Variants in RIF1 observed in about 807,000 individuals in gnomAD.
The protein encoded by RIF1 is replication timing regulatory factor 1.
Under a neutral mutation model 247.1 loss-of-function variants are expected in RIF1, and 45 were observed. The ratio of observed to expected loss-of-function variants is 0.18; its 90% confidence interval spans 0.14 to 0.23. The LOEUF (loss-of-function observed/expected upper bound fraction) is 0.23. Ranked by LOEUF, RIF1 falls within the 10% of genes least tolerant of loss-of-function variation. The pLI, the probability that RIF1 is intolerant of heterozygous loss-of-function variation, is 1.00. For missense variants in RIF1, 2,967 were observed against 2,862.5 expected, an observed-to-expected ratio of 1.04 and a Z score of -0.83; for synonymous variants, 1,087 against 978.8, an observed-to-expected ratio of 1.11 and a Z score of -2.06.
chr2:151,439,972 C>CAAAAAAAAAAAAAAAAAAAA, intron 14 of RIF1, 55 bp from the exon 15 acceptor site: 1 of 274,380 alleles, frequency 3.6e-6, no homozygotes, highest in South Asian at 2.6e-5. Flanking sequence ...GACCCTGTCT[C>CAAAAAAAAAAAAAAAAAAAA]AAAAAAAAAA....
chr2:151,484,850 T>A (rs1261262311), downstream of RIF1, among the ~76,000 whole-genome samples: 2 of 152,220 alleles, frequency 1.3e-5, no homozygotes, highest in East Asian at 3.8e-4. Flanking sequence ...AGCTTCAGCC[T>A]CTAACCCAGT....
intron 19 of RIF1, 106 bp downstream of exon 19, chr2:151,445,551 T>C (rs1369545878): frequency 1.4e-6 from 1 of 712,666 alleles, no homozygotes; most frequent in Non-Finnish European, 2.4e-6. Flanking sequence ...TCTTTTTCTT[T>C]TTCTCTTTTT....
At chr2:151,531,793 T>C in the RIF1 span, 1 of 1,606,208 alleles carries the variant, frequency 6.2e-7, no homozygotes, top group Non-Finnish European at 8.5e-7. Context: ...TGCACTTACA[T>C]CGCTGATTTG....
the RIF1 span, chr2:151,518,490 T>C: frequency 1.0e-6 from 1 of 973,296 alleles, no homozygotes; most frequent in South Asian, 1.4e-5. Context: ...TTTTCCTCTT[T>C]AGATTAGACG....
chr2:151,427,914 A>G (rs1054070825), intron 8 of RIF1, among the ~76,000 whole-genome samples: 1 of 152,144 alleles, frequency 6.6e-6, no homozygotes, highest in African/African-American at 2.4e-5. Context: ...ATAAGTAGCC[A>G]GGCATGGTGG....
At chr2:151,450,593 T>C (rs936692460) in intron 20 of RIF1, among the ~76,000 whole-genome samples, 1 of 151,946 alleles carries the variant, frequency 6.6e-6, no homozygotes, top group African/African-American at 2.4e-5. Context: ...AATAATTCTT[T>C]CTTTTTTTTT....
chr2:151,453,382 G>A (rs1694652110), intron 21 of RIF1, among the ~76,000 whole-genome samples: 1 of 152,014 alleles, frequency 6.6e-6, no homozygotes, highest in African/African-American at 2.4e-5. Context: ...TGCTAGACCA[G>A]CCTGGCCAAC....
In RIF1 at chr2:151,450,872, C is replaced by T. The variant is rs1694195696; in HGVS notation, c.2245-734C>T. Among the ~76,000 whole-genome samples the T allele has an allele frequency of 3.3e-5, 5 of 152,210 alleles. No homozygotes were observed. The South Asian group carries it at 1.0e-3, about 32-fold the overall frequency. On this transcript the variant is annotated intron_variant, in intron 20 of 35. Transcript: ENST00000444746. ...GTGCTGGGATTGCAGGCGTGAGCCA[C>T]CAGTCCTGGCCAGCAACTTCTTTTT...
downstream of RIF1, among the ~76,000 whole-genome samples, chr2:151,511,452 G>A (rs903294550): frequency 2.6e-5 from 4 of 152,152 alleles, no homozygotes; most frequent in East Asian, 5.8e-4. Flanking sequence ...GTCATTAAGA[G>A]ATCATCTGTG....
intron 9 of RIF1, chr2:151,491,995 G>A (rs2056989112): frequency 5.5e-6 from 7 of 1,264,036 alleles, no homozygotes; most frequent in Non-Finnish European, 7.8e-6. Context: ...TAGAAAAACA[G>A]ATTGAAGTCC....
At position 151,477,998 on chromosome 2, in the gene RIF1, C is replaced by CGTG. The variant is rs1315938719; in HGVS notation, c.*2928_*2929insTGG. ...TGGTGGCATTACAGGCGTGAGCCAC[C>CGTG]GCTCCTGGCCCATCATTTCCATATC... On this transcript the variant is annotated 3_prime_UTR_variant, in exon 36 of 36. Coordinates refer to ENST00000444746, the MANE Select transcript of RIF1 (RefSeq NM_018151.5). 1 of 152,198 alleles carries CGTG rather than the reference C, an allele frequency of 6.6e-6. No homozygotes were observed. Among genetic ancestry groups the CGTG allele is most frequent in the Non-Finnish European group, 1.5e-5 (1 of 68,036 alleles). 9.4% of individuals were successfully genotyped at this position (152,198 alleles called of 1,614,324 possible).
intron 10 of RIF1, among the ~76,000 whole-genome samples, chr2:151,496,723 A>AATG (rs373115276): frequency 6.6e-6 from 1 of 152,176 alleles, no homozygotes; most frequent in South Asian, 2.1e-4. Flanking sequence ...ATTTTTAAAA[A>AATG]ATGATTGAAA....
intron 25 of RIF1, 99 bp from the exon 26 acceptor site, chr2:151,459,900 AT>A (rs1348401342): frequency 1.0e-6 from 1 of 966,118 alleles, no homozygotes; most frequent in Non-Finnish European, 1.5e-6. Flanking sequence ...TTTTGACAAT[AT>A]TTGCAATTAC....
Position 151,498,930 on chromosome 2 carries a change from T to TAGAG in RIF1, c.*514-413_*514-410dup, listed in dbSNP as rs1171923744. On this transcript the variant is annotated intron_variant and NMD_transcript_variant, in intron 10 of 13. Transcript: ENST00000454583. ...TTCAAAATATCTGTACAAATAACAGTAGAGATAGAAAAGGTTAGAATAAGA... is the reference window on the plus strand; with the variant it reads ...TTCAAAATATCTGTACAAATAACAGTAGAGAGAGATAGAAAAGGTTAGAATAAGA... Among the ~76,000 whole-genome samples, 3 of 150,974 alleles carry TAGAG rather than the reference T, an allele frequency of 2.0e-5. No individual in the cohort carries two copies. In the East Asian group the frequency reaches 5.9e-4, roughly 29 times the overall value.
At chr2:151,469,150 CTGTTT>C (rs1180544028) in intron 33 of RIF1, among the ~76,000 whole-genome samples, 4 of 152,128 alleles carry the variant, frequency 2.6e-5, no homozygotes, top group Admixed American at 1.3e-4. Flanking sequence ...TGTTCATCAG[CTGTTT>C]TGTTTTGTTT....
chr2:151,444,010 A>G (rs1309754321), intron 18 of RIF1, among the ~76,000 whole-genome samples: 1 of 152,230 alleles, frequency 6.6e-6, no homozygotes, highest in Admixed American at 6.5e-5. Flanking sequence ...TTAACAGGGA[A>G]TAACAGCGGT....
intron 1 of RIF1, 163 bp from the exon 2 acceptor site, chr2:151,410,251 G>C: frequency 1.6e-6 from 1 of 641,728 alleles, no homozygotes; most frequent in Non-Finnish European, 2.8e-6. Context: ...CGCCGGAGGA[G>C]GTTCGCGCTG....
intron 9 of RIF1, chr2:151,491,956 A>G: frequency 2.9e-6 from 3 of 1,042,118 alleles, no homozygotes; most frequent in Non-Finnish European, 4.3e-6. Context: ...TTTGTAAACT[A>G]TGAGATAATA....
chr2:151,516,582 G>A, the RIF1 span: 31 of 1,479,522 alleles, frequency 2.1e-5, no homozygotes, highest in Non-Finnish European at 2.4e-5. Flanking sequence ...AGAAAGCCAT[G>A]TTAGATATCT....
Sources: gnomAD v4.1 joint callset for allele counts (sites outside exome capture counted in the v4.1 genomes callset) on GRCh38, gnomAD v4.1.1 for gene constraint, MANE v1.5 for transcripts, NCBI Gene and HGNC (gene_info 2026-07-23, HGNC 2026-07-21) for gene names.